Variants in PRDM16 observed in about 807,000 individuals in gnomAD.
The protein encoded by PRDM16 is PR/SET domain 16, also known as histone-lysine N-methyltransferase PRDM16.
PRDM16 carries 23 observed loss-of-function variants against 110.6 expected under a neutral mutation model. That is an observed-to-expected ratio of 0.21 (90% CI 0.15 to 0.29). PRDM16 has a LOEUF of 0.29. PRDM16 is among the 10% of genes least tolerant of loss of function. PRDM16 has a pLI of 1.00. For synonymous variants in PRDM16, 799 were observed against 781.8 expected, an observed-to-expected ratio of 1.02 and a Z score of -0.37; for missense variants, 1,615 against 1,794.3, an observed-to-expected ratio of 0.90 and a Z score of 1.81.
intron 1 of PRDM16, among the ~76,000 whole-genome samples, chr1:3,114,203 G>GCA (rs59196246): frequency 0.17 from 19,996 of 117,244 alleles, 1,688 homozygotes; most frequent in East Asian, 0.35. Flanking sequence ...GCACACGCAC[G>GCA]CACACACGCA....
chr1:3,188,695 C>T (rs112928058), intron 2 of PRDM16, among the ~76,000 whole-genome samples: 252 of 152,320 alleles, frequency 1.7e-3, no homozygotes, highest in African/African-American at 5.8e-3. Flanking sequence ...CACCGACTCC[C>T]TGGCTTTGGG....
chr1:3,328,661 G>A (rs1456730606), intron 3 of PRDM16, among the ~76,000 whole-genome samples: 1 of 152,176 alleles, frequency 6.6e-6, no homozygotes, highest in Non-Finnish European at 1.5e-5. Flanking sequence ...CGGGCCAGGA[G>A]TCTGTTTTAT....
At chr1:3,398,304 T>A (rs1444410309) in intron 5 of PRDM16, among the ~76,000 whole-genome samples, 2 of 152,180 alleles carry the variant, frequency 1.3e-5, no homozygotes, top group African/African-American at 4.8e-5. Flanking sequence ...TCCTAATAAT[T>A]TATCAAACAT....
intron 3 of PRDM16, among the ~76,000 whole-genome samples, chr1:3,249,749 G>GT (rs1569925013): frequency 6.6e-6 from 1 of 152,244 alleles, no homozygotes; most frequent in East Asian, 1.9e-4. Context: ...AGGCTGGACA[G>GT]TGGCTGAAAG....
rs563987540 is a variant in PRDM16 at position 3,140,951 on chromosome 1, G to A, written c.38-45174G>A. ...GGGGCACGACATGGCTTTTACTCCC[G>A]ATACGGATCCCTTTTCCCCAGCATG... On this transcript the variant is annotated intron_variant, in intron 1 of 16. Transcript: ENST00000270722. 4.6e-5 allele frequency among the ~76,000 whole-genome samples: 7 copies of A among 152,280 alleles called. No individual in the cohort carries two copies. The East Asian group carries it at 7.7e-4, about 17-fold the overall frequency.
At chr1:3,408,045 G>A (rs1255912073) in intron 8 of PRDM16, among the ~76,000 whole-genome samples, 2 of 152,244 alleles carry the variant, frequency 1.3e-5, no homozygotes, top group Non-Finnish European at 2.9e-5. Context: ...TGGTGCAACT[G>A]CAGAAGGGGG....
intron 2 of PRDM16, among the ~76,000 whole-genome samples, chr1:3,210,529 T>G (rs886576191): frequency 2.0e-5 from 3 of 152,238 alleles, no homozygotes; most frequent in Non-Finnish European, 4.4e-5. Flanking sequence ...TCACGTCTGA[T>G]TCCACTTACT....
intron 2 of PRDM16, among the ~76,000 whole-genome samples, chr1:3,197,045 C>A (rs929331532): frequency 6.6e-6 from 1 of 152,188 alleles, no homozygotes; most frequent in African/African-American, 2.4e-5. Context: ...CTCCTGTCCC[C>A]GGCCACAGCT....
At chr1:3,387,255 C>G (rs1643215624) in intron 4 of PRDM16, among the ~76,000 whole-genome samples, 1 of 152,168 alleles carries the variant, frequency 6.6e-6, no homozygotes, top group Admixed American at 6.5e-5. Flanking sequence ...GGCGCTATTA[C>G]CCAAACCACA....
intron 2 of PRDM16, among the ~76,000 whole-genome samples, chr1:3,227,244 C>T (rs1317338917): frequency 3.9e-5 from 6 of 152,228 alleles, no homozygotes; most frequent in East Asian, 3.9e-4. Flanking sequence ...ACCGCAGCCC[C>T]GGTGGCCGTT....
At chr1:3,295,362 G>A (rs903200287) in intron 3 of PRDM16, among the ~76,000 whole-genome samples, 45 of 151,940 alleles carry the variant, frequency 3.0e-4, no homozygotes, top group African/African-American at 1.1e-3. Context: ...GGACTGGGTG[G>A]CTCTCTGGGC....
At chr1:3,253,027 G>A (rs12409638) in intron 3 of PRDM16, among the ~76,000 whole-genome samples, 1 of 151,970 alleles carries the variant, frequency 6.6e-6, no homozygotes, top group South Asian at 2.1e-4. Flanking sequence ...CCTCGAGCCT[G>A]CGCGCTGCTG....
In PRDM16 at chr1:3,081,976, C is replaced by T. The variant is rs544536526; in HGVS notation, c.37+12680C>T. Reference sequence around the variant, plus strand: ...AAGGCAGCGGCAAAGCCCCCGTGAGCACCAACCCAAGCCTTGCACCCCTGA... The same window carrying T: ...AAGGCAGCGGCAAAGCCCCCGTGAGTACCAACCCAAGCCTTGCACCCCTGA... On this transcript the variant is annotated intron_variant, in intron 1 of 16. Transcript: ENST00000270722. The surrounding 1 kb of genome is among the most constrained non-coding windows in gnomAD (Gnocchi z 4.6). Among the ~76,000 whole-genome samples, 1 of 152,356 alleles carries T rather than the reference C, an allele frequency of 6.6e-6. No homozygotes were observed. The highest frequency in any genetic ancestry group is 1.9e-4 in the East Asian group (1 of 5,174).
intron 2 of PRDM16, among the ~76,000 whole-genome samples, chr1:3,221,920 G>A (rs1265554991): frequency 6.6e-6 from 1 of 152,232 alleles, no homozygotes; most frequent in Non-Finnish European, 1.5e-5. Context: ...GAGTTTGCTG[G>A]GTATGGAGAA....
At chr1:3,217,533 C>G (rs999070852) in intron 2 of PRDM16, among the ~76,000 whole-genome samples, 6 of 152,180 alleles carry the variant, frequency 3.9e-5, no homozygotes, top group African/African-American at 1.4e-4. Context: ...CTCAAGAGTG[C>G]CTGGGAGCAT....
intron 2 of PRDM16, among the ~76,000 whole-genome samples, chr1:3,237,007 G>A (rs893158074): frequency 6.6e-6 from 1 of 152,174 alleles, no homozygotes; most frequent in Non-Finnish European, 1.5e-5. Context: ...GGCACAGGCC[G>A]GATGGAGCCC....
chr1:3,371,996 AG>A (rs1428915320), intron 3 of PRDM16, among the ~76,000 whole-genome samples: 29 of 152,352 alleles, frequency 1.9e-4, no homozygotes, highest in Admixed American at 1.7e-3. Context: ...GCGGATGAGA[AG>A]ACTCTGAGCT....
At chr1:3,171,853 C>G (rs1295972217) in intron 1 of PRDM16, among the ~76,000 whole-genome samples, 1 of 152,154 alleles carries the variant, frequency 6.6e-6, no homozygotes, top group African/African-American at 2.4e-5. Context: ...CAGCCAGAAC[C>G]TCTTGTCGCC....
At chr1:3,079,384 CCT>C (rs1245880253) in intron 1 of PRDM16, among the ~76,000 whole-genome samples, 1 of 127,094 alleles carries the variant, frequency 7.9e-6, no homozygotes, top group African/African-American at 2.8e-5. Context: ...TGGCCCAGCC[CCT>C]GTGTGTGCAC....
Sources: allele counts gnomAD v4.1 joint callset (sites outside exome capture counted in the v4.1 genomes callset), GRCh38; gene constraint gnomAD v4.1.1; non-coding constraint Gnocchi (gnomAD v3.1); transcripts MANE v1.5; gene names NCBI Gene and HGNC (gene_info 2026-07-23, HGNC 2026-07-21).